GSE1: variants seen among roughly 807,000 people sequenced by gnomAD.
GSE1 encodes the protein Gse1 coiled-coil protein.
GSE1 carries 32 observed loss-of-function variants against 112.6 expected under a neutral mutation model. The ratio of observed to expected loss-of-function variants is 0.28; its 90% CI spans 0.21 to 0.38. The LOEUF (loss-of-function observed/expected upper bound fraction) is 0.38. Ranked by LOEUF, GSE1 falls within the 10% of genes least tolerant of loss-of-function variation. The probability of loss-of-function intolerance (pLI) is 1.00; values close to 1 mark genes in which losing one functional copy is unlikely to be tolerated. For synonymous variants in GSE1, 1,115 were observed against 735.6 expected (o/e 1.52, Z -8.35); for missense variants, 2,348 against 1,699.2 (o/e 1.38, Z -6.71).
At chr16:85,230,820 T>C (rs1170698768) in intron 1 of GSE1, among the ~76,000 whole-genome samples, 1 of 151,806 alleles carries the variant, frequency 6.6e-6, no homozygotes, top group Non-Finnish European at 1.5e-5. Context: ...TACAAATGAG[T>C]GTGTGGAAGA....
intron 1 of GSE1, among the ~76,000 whole-genome samples, chr16:85,193,509 A>G (rs1461313203): frequency 6.6e-6 from 1 of 151,394 alleles, no homozygotes; most frequent in African/African-American, 2.4e-5. Context: ...GCCCAGGCTG[A>G]AGTGCAGTGG....
intron 2 of GSE1, among the ~76,000 whole-genome samples, chr16:85,644,603 C>T (rs981578999): frequency 2.0e-5 from 3 of 152,120 alleles, no homozygotes; most frequent in African/African-American, 2.4e-5. Flanking sequence ...GTGAAGTCTC[C>T]GGAACAGGCC....
At chr16:85,637,448 C>G (rs2050093483) in intron 2 of GSE1, among the ~76,000 whole-genome samples, 1 of 151,886 alleles carries the variant, frequency 6.6e-6, no homozygotes, top group South Asian at 2.1e-4. Context: ...CCACCTTCAT[C>G]ATGGCAGTGG....
At position 85,619,003 on chromosome 16, in the gene GSE1, C is replaced by T. The variant is rs144293073; in HGVS notation, c.7+5605C>T. On this transcript the variant is annotated intron_variant, in intron 1 of 15. Transcript: ENST00000253458. ...AAAGTTCCAAGGCTCTGTTCCCCTACGCTCAACTGACTCCCTTGCGGTGTT... is the reference window on the plus strand; with the variant it reads ...AAAGTTCCAAGGCTCTGTTCCCCTATGCTCAACTGACTCCCTTGCGGTGTT... Among the ~76,000 whole-genome samples the T allele has an allele frequency of 4.9e-3, 740 of 152,356 alleles. 8 individuals carry two copies. Among genetic ancestry groups the T allele is most frequent in the African/African-American group, 0.016 (686 of 41,592 alleles).
intron 1 of GSE1, among the ~76,000 whole-genome samples, chr16:85,184,787 C>G (rs1367409395): frequency 1.3e-5 from 2 of 152,062 alleles, no homozygotes; most frequent in Non-Finnish European, 2.9e-5. Context: ...TTATTGATTT[C>G]TAATTTAATT....
At chr16:85,670,079 G>A (rs1261347869) in intron 14 of GSE1, among the ~76,000 whole-genome samples, 1 of 152,138 alleles carries the variant, frequency 6.6e-6, no homozygotes, top group African/African-American at 2.4e-5. Context: ...CCATGAATAT[G>A]GTACAAAACT....
In GSE1 at chr16:85,331,361, G is replaced by GTATATA. The variant is rs1299782485; in HGVS notation, c.2284-26101_2284-26100insATATAT. 4.9e-4 allele frequency among the ~76,000 whole-genome samples: 33 copies of GTATATA among 67,006 alleles called. 1 individual carries two copies. Among genetic ancestry groups the GTATATA allele is most frequent in the Middle Eastern group, 9.6e-3 (1 of 104 alleles). The allele number at this position is 67,006 out of a possible 152,430, so 44.0% of individuals were successfully genotyped here. ...TGTGTGTGTGTGTGTGTGTGTGTGTGTGTGTATATATGTATATATATGTAT... is the reference window on the plus strand; with the variant it reads ...TGTGTGTGTGTGTGTGTGTGTGTGTGTATATATGTGTATATATGTATATATATGTAT... On this transcript the variant is annotated intron_variant, in intron 1 of 2. Transcript: ENST00000637419.
At position 85,419,764 on chromosome 16, in the gene GSE1, G is replaced by A. The variant is rs533459842; in HGVS notation, c.2464+62121G>A. On this transcript the variant is annotated intron_variant, in intron 2 of 2. Transcript: ENST00000637419. The surrounding 1 kb of genome is among the most constrained non-coding windows in gnomAD (Gnocchi z 6.5). ...CTCTGATGCCTGCCTCCCCCGCCCC[G>A]CCCCCACCCCTCCAAGACTCTGATG... 2.0e-3 allele frequency among the ~76,000 whole-genome samples: 263 copies of A among 129,384 alleles called. No homozygotes were observed. The highest frequency in any genetic ancestry group is 7.0e-3 in the African/African-American group (249 of 35,662). 84.9% of individuals were successfully genotyped at this position (129,384 alleles called of 152,430 possible).
intron 1 of GSE1, among the ~76,000 whole-genome samples, chr16:85,319,888 C>G (rs2046065600): frequency 6.6e-6 from 1 of 152,220 alleles, no homozygotes; most frequent in South Asian, 2.1e-4. Flanking sequence ...TGGTGCCTGG[C>G]AAACATAAGG....
At chr16:85,437,960 T>C (rs1210884159) in intron 2 of GSE1, among the ~76,000 whole-genome samples, 1 of 152,206 alleles carries the variant, frequency 6.6e-6, no homozygotes, top group Non-Finnish European at 1.5e-5. Context: ...AAGTCACTTA[T>C]GTGTGGAAGG....
intron 2 of GSE1, among the ~76,000 whole-genome samples, chr16:85,507,226 C>T (rs919228030): frequency 6.6e-6 from 1 of 152,220 alleles, no homozygotes; most frequent in Non-Finnish European, 1.5e-5. Flanking sequence ...AGCGAGATTG[C>T]TTTTGTCTTC....
Position 85,284,585 on chromosome 16 carries a change from G to A in GSE1, c.2284-72878G>A, listed in dbSNP as rs1290033324. ...TGGGTTGACGATTCTCGGGAACTCG[G>A]TGCAGATGCTGTATTCGAGCCAGCG... On this transcript the variant is annotated intron_variant, in intron 1 of 2. Transcript: ENST00000637419. Among the ~76,000 whole-genome samples, 3 of 152,242 alleles carry A rather than the reference G, an allele frequency of 2.0e-5. No individual in the cohort carries two copies. The East Asian group carries it at 5.8e-4, about 29-fold the overall frequency.
intron 1 of GSE1, among the ~76,000 whole-genome samples, chr16:85,578,363 C>T (rs929074166): frequency 3.3e-5 from 5 of 152,200 alleles, no homozygotes; most frequent in South Asian, 2.1e-4. Flanking sequence ...GCTCCCCAGA[C>T]GACAGAGGCA....
At chr16:85,532,966 C>G (rs904610156) in intron 2 of GSE1, among the ~76,000 whole-genome samples, 1 of 152,212 alleles carries the variant, frequency 6.6e-6, no homozygotes, top group Admixed American at 6.5e-5. Flanking sequence ...TACTCCAAAA[C>G]CAGCACAAAC....
At chr16:85,330,822 C>T (rs1169263326) in intron 1 of GSE1, among the ~76,000 whole-genome samples, 1 of 152,206 alleles carries the variant, frequency 6.6e-6, no homozygotes, top group Non-Finnish European at 1.5e-5. Context: ...TCTTCCCTGT[C>T]TTTCTCTATC....
chr16:85,217,961 C>T lies in GSE1; in HGVS notation c.2283+46154C>T, dbSNP rs189704355. Among the ~76,000 whole-genome samples the T allele has an allele frequency of 9.6e-3, 1,453 of 152,050 alleles. 10 individuals carry two copies. The highest frequency in any genetic ancestry group is 0.016 in the Non-Finnish European group (1,071 of 67,978). On this transcript the variant is annotated intron_variant, in intron 1 of 2. Coordinates refer to the GSE1 transcript ENST00000637419. The stretch of plus-strand genomic sequence containing the variant: ...CTGTTACGACGCTGGAGTGCAGTGG[C>T]GCGATCTTGGCCCACTGCAACCTCT...
intron 1 of GSE1, among the ~76,000 whole-genome samples, chr16:85,302,969 C>G (rs938012273): frequency 6.6e-6 from 1 of 152,216 alleles, no homozygotes. Flanking sequence ...CTCGGCCTCC[C>G]CACTGCTAGT....
At chr16:85,622,429 G>T (rs758131928) in intron 1 of GSE1, among the ~76,000 whole-genome samples, 10 of 152,182 alleles carry the variant, frequency 6.6e-5, no homozygotes, top group Non-Finnish European at 1.2e-4. Flanking sequence ...ATTGGGGAGG[G>T]TGTTCATACT....
chr16:85,181,180 C>T (rs1002338089), intron 1 of GSE1, among the ~76,000 whole-genome samples: 2 of 152,212 alleles, frequency 1.3e-5, no homozygotes, highest in Non-Finnish European at 1.5e-5. Flanking sequence ...ACGCTGACAC[C>T]GGCTAACTTG....
Sources: allele counts gnomAD v4.1 joint callset (sites outside exome capture counted in the v4.1 genomes callset), GRCh38; gene constraint gnomAD v4.1.1; non-coding constraint Gnocchi (gnomAD v3.1); transcripts MANE v1.5; gene names NCBI Gene and HGNC (gene_info 2026-07-23, HGNC 2026-07-21).